The following SGCZ variants were observed in gnomAD, a reference collection of about 807,000 sequenced individuals.
SGCZ encodes the protein zeta-sarcoglycan.
Under a neutral mutation model 41.3 loss-of-function variants are expected in SGCZ, and 40 were observed. The ratio of observed to expected loss-of-function variants is 0.97; its 90% CI spans 0.75 to 1.26. SGCZ has a LOEUF of 1.26. Ranked by LOEUF, SGCZ falls within the 50% of genes most tolerant of loss-of-function variation. The pLI is 0.00. For synonymous variants in SGCZ, 206 were observed against 137.5 expected (o/e 1.50, Z -3.49); for missense variants, 552 against 369.8 (o/e 1.49, Z -4.04).
chr8:14,742,200 G>A (rs567957794), intron 1 of SGCZ, among the ~76,000 whole-genome samples: 15 of 152,046 alleles, frequency 9.9e-5, no homozygotes, highest in South Asian at 2.1e-4. Context: ...ACCATCTGCC[G>A]TCAGTCTAAT....
At chr8:14,848,642 C>T (rs951869542) in intron 1 of SGCZ, among the ~76,000 whole-genome samples, 2 of 152,116 alleles carry the variant, frequency 1.3e-5, no homozygotes, top group African/African-American at 4.8e-5. Flanking sequence ...TACTGGATAA[C>T]CATATGTAAG....
At chr8:14,449,722 C>T (rs1341129752) in intron 2 of SGCZ, among the ~76,000 whole-genome samples, 1 of 152,066 alleles carries the variant, frequency 6.6e-6, no homozygotes, top group Non-Finnish European at 1.5e-5. Flanking sequence ...TTTTGTCTTC[C>T]ATTTCTGCAG....
Position 14,106,179 on chromosome 8 carries a change from A to C in SGCZ, c.620+1984T>G, listed in dbSNP as rs534015583. Among the ~76,000 whole-genome samples the C allele has an allele frequency of 9.2e-5, 14 of 152,352 alleles. No homozygotes were observed. In the South Asian group the frequency reaches 2.9e-3, roughly 32 times the overall value. On this transcript the variant is annotated intron_variant, in intron 6 of 7. Coordinates refer to ENST00000382080, the MANE Select transcript of SGCZ (RefSeq NM_139167.4). ...TGCAACTAGGATGTGGTAAGATAAC[A>C]GTGCTGGCTGCTACAGCATTAAGGA... is the stretch of plus-strand genomic sequence containing the variant.
intron 1 of SGCZ, among the ~76,000 whole-genome samples, chr8:14,605,845 A>G (rs1805731613): frequency 6.6e-6 from 1 of 152,178 alleles, no homozygotes; most frequent in African/African-American, 2.4e-5. Flanking sequence ...GGAATAACTG[A>G]ACAGATGAGG....
chr8:14,223,914 G>A (rs7835210), intron 4 of SGCZ, among the ~76,000 whole-genome samples: 9 of 152,108 alleles, frequency 5.9e-5, no homozygotes, highest in Non-Finnish European at 5.9e-5. Context: ...TGTGAAAAGA[G>A]TTTCACTTAT....
At chr8:14,393,735 C>A (rs2117224244) in intron 2 of SGCZ, among the ~76,000 whole-genome samples, 1 of 152,238 alleles carries the variant, frequency 6.6e-6, no homozygotes, top group South Asian at 2.1e-4. Flanking sequence ...CATGTGACAA[C>A]AAACCCCAGG....
chr8:14,743,058 A>C (rs1799239257), intron 1 of SGCZ, among the ~76,000 whole-genome samples: 2 of 152,100 alleles, frequency 1.3e-5, no homozygotes, highest in Admixed American at 1.3e-4. Flanking sequence ...ATATCATAAA[A>C]GACTGCGTGG....
intron 1 of SGCZ, among the ~76,000 whole-genome samples, chr8:14,726,226 G>A (rs1222806948): frequency 2.1e-5 from 3 of 143,960 alleles, no homozygotes; most frequent in Non-Finnish European, 4.5e-5. Flanking sequence ...TTGTGCCACT[G>A]CATTCCAGCC....
At chr8:14,376,642 T>TA (rs980688949) in intron 2 of SGCZ, among the ~76,000 whole-genome samples, 7 of 151,516 alleles carry the variant, frequency 4.6e-5, no homozygotes, top group African/African-American at 7.3e-5. Context: ...GCATAGAAGC[T>TA]AAAAAAAAGG....
chr8:14,581,301 T>C (rs921487663), intron 1 of SGCZ, among the ~76,000 whole-genome samples: 1 of 152,056 alleles, frequency 6.6e-6, no homozygotes, highest in South Asian at 2.1e-4. Flanking sequence ...GATACGGGGT[T>C]TCCCCATGTT....
chr8:14,210,449 G>C (rs1805766386), intron 4 of SGCZ, among the ~76,000 whole-genome samples: 1 of 141,550 alleles, frequency 7.1e-6, no homozygotes, highest in Non-Finnish European at 1.5e-5. Context: ...ACTTAAAATA[G>C]TATTATGCAA....
chr8:14,227,563 T>A (rs764464359), intron 4 of SGCZ, among the ~76,000 whole-genome samples: 12 of 152,080 alleles, frequency 7.9e-5, no homozygotes, highest in Non-Finnish European at 1.5e-4. Flanking sequence ...AGAAATAATA[T>A]TGGAAACACA....
intron 3 of SGCZ, among the ~76,000 whole-genome samples, chr8:14,265,182 T>TTGAAATATTGGAGATTTC (rs1259446726): frequency 6.6e-6 from 1 of 152,122 alleles, no homozygotes; most frequent in African/African-American, 2.4e-5. Flanking sequence ...AAAATAGCTT[T>TTGAAATATTGGAGATTTC]AAAACCCTTT....
chr8:14,465,151 T>C (rs538301332), intron 2 of SGCZ, among the ~76,000 whole-genome samples: 11 of 151,718 alleles, frequency 7.3e-5, no homozygotes, highest in Non-Finnish European at 3.0e-5. Flanking sequence ...CTCCCTATTA[T>C]TGAAAGTAGA....
chr8:14,811,620 C>T (rs1801741366), intron 1 of SGCZ, among the ~76,000 whole-genome samples: 1 of 123,288 alleles, frequency 8.1e-6, no homozygotes, highest in Non-Finnish European at 1.6e-5. Flanking sequence ...TTGAATAAAT[C>T]AAATTTTCAC....
chr8:14,711,618 A>T (rs895369281), intron 1 of SGCZ, among the ~76,000 whole-genome samples: 192 of 148,512 alleles, frequency 1.3e-3, no homozygotes, highest in African/African-American at 4.6e-3. Flanking sequence ...AAAAAAAAAA[A>T]AAGCCTATAT....
rs977115304 is a variant in SGCZ at position 14,651,682 on chromosome 8, C to G, written c.40-96756G>C. 2.9e-4 allele frequency among the ~76,000 whole-genome samples: 44 copies of G among 151,962 alleles called. 1 individual carries two copies. Among genetic ancestry groups the G allele is most frequent in the African/African-American group, 1.1e-3 (44 of 41,368 alleles). On this transcript the variant is annotated intron_variant, in intron 1 of 7. Transcript: ENST00000382080. ...AATTTTGTATTAATTTTCTTATTCT[C>G]TTCTTGAGACTTAAAATTACATAAA...
intron 2 of SGCZ, among the ~76,000 whole-genome samples, chr8:14,488,242 G>A (rs777446197): frequency 8.2e-6 from 1 of 122,524 alleles, no homozygotes; most frequent in African/African-American, 3.0e-5. Flanking sequence ...AAACACATTT[G>A]TTGTCCTTTT....
At chr8:15,052,124 T>C (rs1804536748) in intron 1 of SGCZ, among the ~76,000 whole-genome samples, 1 of 152,124 alleles carries the variant, frequency 6.6e-6, no homozygotes, top group Non-Finnish European at 1.5e-5. Flanking sequence ...CAGGAGTCTA[T>C]CAAGATTTCA....
Sources: gnomAD v4.1 joint callset for allele counts (sites outside exome capture counted in the v4.1 genomes callset) on GRCh38, gnomAD v4.1.1 for gene constraint, MANE v1.5 for transcripts, NCBI Gene and HGNC (gene_info 2026-07-23, HGNC 2026-07-21) for gene names.